Variants in CGREF1 observed in about 807,000 individuals in gnomAD.
CGREF1 encodes cell growth regulator with EF-hand domain 1, also known as cell growth regulator with EF hand domain protein 1.
In CGREF1, 16 loss-of-function variants were observed where a neutral mutation model predicts 17.4. That is an observed-to-expected ratio of 0.92 (90% CI 0.62 to 1.40). The LOEUF (loss-of-function observed/expected upper bound fraction) is 1.40. Ranked by LOEUF, CGREF1 falls within the 40% of genes most tolerant of loss-of-function variation. The pLI, the probability that CGREF1 is intolerant of heterozygous loss-of-function variation, is 0.00. For synonymous variants in CGREF1, 142 were observed against 154.6 expected (o/e 0.92, Z 0.61); for missense variants, 296 against 376.4 (o/e 0.79, Z 1.77).
intron 1 of CGREF1, among the ~76,000 whole-genome samples, chr2:27,113,483 T>C (rs1484578581): frequency 1.3e-5 from 2 of 152,236 alleles, no homozygotes; most frequent in Non-Finnish European, 2.9e-5. Context: ...TTACTTTTTC[T>C]TTTTCCCCCT....
At chr2:27,099,991 A>ACTGCTCTGGCTGGGCATTC (rs1670710032), downstream of CGREF1, 2 of 813,210 alleles carry the variant, frequency 2.5e-6, no homozygotes, top group African/African-American at 3.9e-5. Flanking sequence ...CAATGTCTGA[A>ACTGCTCTGGCTGGGCATTC]CTGCTCTGGC....
rs2148376522 is a variant in CGREF1 at position 27,101,012 on chromosome 2, G to GT, written c.*261dup. The GT allele has an allele frequency of 7.8e-7, 1 of 1,276,322 alleles. No homozygotes were observed. The highest frequency in any genetic ancestry group is 3.2e-5 in the East Asian group (1 of 31,488). The allele number at this position is 1,276,322 out of a possible 1,614,324, so 79.1% of individuals were successfully genotyped here. A position where few individuals can be genotyped will look rare whatever the true frequency, so the allele number is the denominator to read the frequency against. Reference sequence around the variant, plus strand: ...GGCAGGCGGCATCCCTGTCCTTTCGGTCCCCAACCCCGTTCCTCTGAGAGG... The same window carrying GT: ...GGCAGGCGGCATCCCTGTCCTTTCGGTTCCCCAACCCCGTTCCTCTGAGAGG... On this transcript the variant is annotated 3_prime_UTR_variant, in exon 6 of 6. Transcript: ENST00000402394.
chr2:27,109,671 A>C (rs1188032245), intron 1 of CGREF1, among the ~76,000 whole-genome samples: 3 of 152,070 alleles, frequency 2.0e-5, no homozygotes, highest in Non-Finnish European at 4.4e-5. Context: ...GGATCACCTG[A>C]GGTTGGGAGT....
chr2:27,116,919 CTCTCTT>C lies in CGREF1; in HGVS notation c.-12+1921_-12+1926del, dbSNP rs1172441045. 2.9e-3 allele frequency among the ~76,000 whole-genome samples: 203 copies of C among 68,964 alleles called. 2 individuals carry two copies. The highest frequency in any genetic ancestry group is 0.012 in the African/African-American group (163 of 13,930). 45.2% of individuals were successfully genotyped at this position (68,964 alleles called of 152,430 possible). On this transcript the variant is annotated intron_variant, in intron 1 of 5. Coordinates refer to ENST00000402394, the MANE Select transcript of CGREF1 (RefSeq NM_006569.6). ...TCTCTCTCTCTCTCTCTCTCTCTCTCTCTCTTTTTTTGAGACAGAGTCTCGCTCTGT... is the reference window on the plus strand; with the variant it reads ...TCTCTCTCTCTCTCTCTCTCTCTCTCTTTTTGAGACAGAGTCTCGCTCTGT...
intron 3 of CGREF1, 33 bp downstream of exon 3, chr2:27,102,493 T>A: frequency 6.2e-7 from 1 of 1,613,846 alleles, no homozygotes; most frequent in African/African-American, 1.3e-5. Context: ...CCTGGTCTTC[T>A]CCCTGAAAGC....
chr2:27,108,849 CTG>C (rs770530857), intron 1 of CGREF1, among the ~76,000 whole-genome samples: 4 of 152,018 alleles, frequency 2.6e-5, no homozygotes, highest in Non-Finnish European at 2.9e-5. Context: ...GGGTCTCACT[CTG>C]TTGCCCAGGC....
chr2:27,102,721 A>C (rs1670951172), intron 2 of CGREF1, 130 bp from the exon 3 acceptor site: 6 of 1,080,330 alleles, frequency 5.6e-6, no homozygotes, highest in Non-Finnish European at 7.8e-6. Flanking sequence ...AAATTCCAAA[A>C]ACCCTGTAGT....
downstream of CGREF1, chr2:27,100,552 T>A (rs1046075237): frequency 5.4e-6 from 7 of 1,289,892 alleles, no homozygotes; most frequent in African/African-American, 1.1e-4. Context: ...CCTTATAATG[T>A]AAAGAGCATA....
Position 27,101,620 on chromosome 2 carries a change from G to C in CGREF1, c.611C>G (p.Pro204Arg). 1 of 1,614,144 alleles carries C rather than the reference G, an allele frequency of 6.2e-7. No individual in the cohort carries two copies. The change falls in exon 6 of 6, where the codon CCT (proline) becomes CGT (arginine). Residue 204 changes from proline to arginine, a missense_variant. Physicochemically the swap from Pro to Arg is moderately radical, Grantham distance 103. Around this residue, in one of 3 missense-constraint regions of CGREF1, gnomAD observed 247 missense variants for 267.2 expected, o/e 0.92. Coordinates refer to ENST00000402394, the MANE Select transcript of CGREF1 (RefSeq NM_006569.6). ...TGCCTGGCCCCCAGGCTCCTGGACA[G>C]GATCCAAAGACTCCCTTCTGGCCTC... ...QVEARRESLD[P>R]VQEPGGQAEA...
Position 27,102,530 on chromosome 2 carries a change from G to C in CGREF1, c.142C>G (p.Leu48Val). The C allele has an allele frequency of 4.3e-6, 7 of 1,614,072 alleles. No individual in the cohort carries two copies. Among genetic ancestry groups the C allele is most frequent in the Non-Finnish European group, 5.9e-6 (7 of 1,179,952 alleles). ...CCCCCGGCCCACCCTACTCACCCGAGCTGCTCCTGGCCTGGCTGGAAGGGG... is the reference window on the plus strand; with the variant it reads ...CCCCCGGCCCACCCTACTCACCCGACCTGCTCCTGGCCTGGCTGGAAGGGG... ...PNPFQPGQEQLGLLQSYLKGL... is the reference protein window; with the variant it reads ...PNPFQPGQEQVGLLQSYLKGL... Residue 48 changes from leucine to valine, a missense_variant, in exon 3 of 6, where the codon CTC (leucine) becomes GTC (valine). Leu to Val is a conservative substitution (Grantham distance 32). Around this residue, in one of 3 missense-constraint regions of CGREF1, gnomAD observed 247 missense variants for 267.2 expected, o/e 0.92. Coordinates refer to ENST00000402394, the MANE Select transcript of CGREF1 (RefSeq NM_006569.6).
chr2:27,111,268 G>T (rs903946486), intron 1 of CGREF1, among the ~76,000 whole-genome samples: 9 of 152,174 alleles, frequency 5.9e-5, no homozygotes, highest in Non-Finnish European at 1.2e-4. Context: ...TCCCCACTAG[G>T]TTAGCTAGAT....
chr2:27,104,737 C>T (rs2148384964), intron 1 of CGREF1: 2 of 1,518,602 alleles, frequency 1.3e-6, no homozygotes, highest in East Asian at 2.5e-5. Flanking sequence ...ATTCATCTTA[C>T]AGATGGAAAG....
intron 1 of CGREF1, among the ~76,000 whole-genome samples, chr2:27,109,210 A>T (rs1671251451): frequency 6.6e-6 from 1 of 151,826 alleles, no homozygotes; most frequent in South Asian, 2.1e-4. Context: ...TTTCTACAAA[A>T]AATAGGAAAA....
chr2:27,106,647 A>C (rs1324340440), intron 1 of CGREF1, among the ~76,000 whole-genome samples: 1 of 151,942 alleles, frequency 6.6e-6, no homozygotes, highest in South Asian at 2.1e-4. Flanking sequence ...AGTCTCTCTC[A>C]CTCTGTCGCC....
chr2:27,100,322 C>G (rs1268923400), downstream of CGREF1: 1 of 833,700 alleles, frequency 1.2e-6, no homozygotes. Flanking sequence ...CTGCCCTGCC[C>G]ACCAGCCTGT....
At chr2:27,108,999 G>C (rs751438985) in intron 1 of CGREF1, among the ~76,000 whole-genome samples, 2 of 151,754 alleles carry the variant, frequency 1.3e-5, no homozygotes, top group Non-Finnish European at 2.9e-5. Flanking sequence ...GGCTGGTCTT[G>C]GGTGCAAGCA....
intron 2 of CGREF1, among the ~76,000 whole-genome samples, chr2:27,103,829 A>G (rs1671007184): frequency 6.6e-6 from 1 of 152,010 alleles, no homozygotes; most frequent in African/African-American, 2.4e-5. Context: ...CTAAAAATAC[A>G]AAAATTAGCC....
intron 1 of CGREF1, chr2:27,104,883 G>A: frequency 7.9e-7 from 1 of 1,260,206 alleles, no homozygotes; most frequent in South Asian, 1.7e-5. Context: ...AATCAAAAGA[G>A]GCGCAGACTT....
chr2:27,100,789 G>T lies in CGREF1; in HGVS notation c.*485C>A, dbSNP rs1320032513. 1.8e-6 allele frequency: 2 copies of T among 1,108,498 alleles called. No individual in the cohort carries two copies. The highest frequency in any genetic ancestry group is 1.7e-5 in the African/African-American group (1 of 60,120). The allele number at this position is 1,108,498 out of a possible 1,614,324, so 68.7% of individuals were successfully genotyped here. Reference sequence around the variant, plus strand: ...AAGGCTCTCAAAAAGTTCTAGTGATGATTAATATTACTGGGGATGGGGTCA... The same window carrying T: ...AAGGCTCTCAAAAAGTTCTAGTGATTATTAATATTACTGGGGATGGGGTCA... On this transcript the variant is annotated 3_prime_UTR_variant, in exon 6 of 6. Coordinates refer to ENST00000402394, the MANE Select transcript of CGREF1 (RefSeq NM_006569.6).
Sources: allele counts gnomAD v4.1 joint callset (sites outside exome capture counted in the v4.1 genomes callset), GRCh38; gene constraint gnomAD v4.1.1; regional missense constraint gnomAD v4.1.1; transcripts MANE v1.5; gene names NCBI Gene and HGNC (gene_info 2026-07-23, HGNC 2026-07-21).